The following SAXO1 variants were observed in gnomAD, a reference collection of about 807,000 sequenced individuals.
The protein encoded by SAXO1 is 4930500O09Rik.
Under a neutral mutation model 17.5 loss-of-function variants are expected in SAXO1, and 21 were observed. The observed-to-expected ratio is 1.20, with a 90% CI of 0.85 to 1.72. SAXO1 has a LOEUF of 1.72. Among genes scored for constraint, SAXO1 ranks in the 40% most tolerant of loss-of-function variants. The pLI is 0.00. For synonymous variants in SAXO1, 274 were observed against 216.5 expected, an observed-to-expected ratio of 1.27 and a Z score of -2.33; for missense variants, 843 against 596.0, an observed-to-expected ratio of 1.41 and a Z score of -4.32.
chr9:19,032,083 G>T (rs1835798748), intron 1 of SAXO1, among the ~76,000 whole-genome samples: 1 of 152,132 alleles, frequency 6.6e-6, no homozygotes, highest in Non-Finnish European at 1.5e-5. Context: ...CTGGAGTTTA[G>T]TTACCAATCT....
Position 18,960,905 on chromosome 9 carries a change from A to T in SAXO1, c.39-9968T>A, listed in dbSNP as rs149315992. On this transcript the variant is annotated intron_variant, in intron 1 of 3. Coordinates refer to ENST00000380534, the MANE Select transcript of SAXO1 (RefSeq NM_153707.4). ...AAAGTCAGATAAGGGGTTCCCATTGAGAGTGAGAGAAGAGAGTGAGGGTGA... is the reference window on the plus strand; with the variant it reads ...AAAGTCAGATAAGGGGTTCCCATTGTGAGTGAGAGAAGAGAGTGAGGGTGA... Among the ~76,000 whole-genome samples the T allele has an allele frequency of 3.4e-3, 521 of 152,310 alleles. 4 individuals carry two copies. Among genetic ancestry groups the T allele is most frequent in the African/African-American group, 0.012 (497 of 41,564 alleles).
chr9:19,045,283 G>A (rs1836182395), intron 1 of SAXO1, among the ~76,000 whole-genome samples: 1 of 126,420 alleles, frequency 7.9e-6, no homozygotes, highest in Admixed American at 1.0e-4. Flanking sequence ...GCAGTCCGCA[G>A]TCCGGCCTGG....
At chr9:19,001,350 T>C (rs1834255957) in intron 1 of SAXO1, among the ~76,000 whole-genome samples, 1 of 152,084 alleles carries the variant, frequency 6.6e-6, no homozygotes, top group Non-Finnish European at 1.5e-5. Context: ...ACTGGGTACA[T>C]AACGAAATGA....
intron 1 of SAXO1, among the ~76,000 whole-genome samples, chr9:19,013,911 T>C (rs62560434): frequency 0.066 from 9,967 of 152,146 alleles, 384 homozygotes; most frequent in African/African-American, 0.092. Context: ...AGAAAAAATA[T>C]TTAGCAGGCA....
At chr9:18,987,610 T>C (rs972260647) in intron 1 of SAXO1, among the ~76,000 whole-genome samples, 1 of 152,150 alleles carries the variant, frequency 6.6e-6, no homozygotes, top group Non-Finnish European at 1.5e-5. Context: ...CTCGATTCTC[T>C]TCCTTGGGCC....
intron 1 of SAXO1, among the ~76,000 whole-genome samples, chr9:18,953,626 C>G (rs991429100): frequency 6.6e-6 from 1 of 152,126 alleles, no homozygotes; most frequent in East Asian, 1.9e-4. Context: ...CTACCTGCAC[C>G]ATGAATGCCC....
intron 1 of SAXO1, among the ~76,000 whole-genome samples, chr9:18,969,254 T>A (rs1742729812): frequency 6.6e-6 from 1 of 152,176 alleles, no homozygotes; most frequent in African/African-American, 2.4e-5. Context: ...AAGCTTCCCT[T>A]CTCACACTCT....
intron 1 of SAXO1, among the ~76,000 whole-genome samples, chr9:18,998,826 T>C (rs1834123490): frequency 1.3e-5 from 2 of 152,198 alleles, no homozygotes; most frequent in African/African-American, 4.8e-5. Flanking sequence ...AAAGACATGT[T>C]CAACCTGCAA....
At chr9:18,988,467 TTA>T (rs1833679966) in intron 1 of SAXO1, among the ~76,000 whole-genome samples, 1 of 152,204 alleles carries the variant, frequency 6.6e-6, no homozygotes, top group Non-Finnish European at 1.5e-5. Context: ...AGGAATGTCT[TTA>T]TGTGTATGTA....
At chr9:18,964,661 T>C (rs2131771215) in intron 1 of SAXO1, among the ~76,000 whole-genome samples, 1 of 152,358 alleles carries the variant, frequency 6.6e-6, no homozygotes, top group East Asian at 1.9e-4. Flanking sequence ...TTCTTCTTTA[T>C]TAGTCTGGCT....
At chr9:19,047,581 G>C (rs1409627061) in intron 1 of SAXO1, among the ~76,000 whole-genome samples, 1 of 152,048 alleles carries the variant, frequency 6.6e-6, no homozygotes, top group Non-Finnish European at 1.5e-5. Context: ...TTAAGTTTCA[G>C]AACACTAGAA....
chr9:18,986,822 A>G (rs531528416), intron 1 of SAXO1, among the ~76,000 whole-genome samples: 5 of 152,240 alleles, frequency 3.3e-5, no homozygotes, highest in Non-Finnish European at 4.4e-5. Context: ...TAGGTTGTAT[A>G]TTCATTTTGA....
chr9:19,043,559 G>A (rs930265675), intron 1 of SAXO1, among the ~76,000 whole-genome samples: 3 of 152,064 alleles, frequency 2.0e-5, no homozygotes, highest in Non-Finnish European at 4.4e-5. Context: ...TTGAGCCCGG[G>A]AATTCAAGAG....
intron 1 of SAXO1, among the ~76,000 whole-genome samples, chr9:18,985,469 C>T (rs1833554265): frequency 6.6e-6 from 1 of 152,164 alleles, no homozygotes; most frequent in Non-Finnish European, 1.5e-5. Flanking sequence ...TATGCCTATG[C>T]ACACAGTGTA....
At chr9:18,989,334 G>T (rs1332880382) in intron 1 of SAXO1, among the ~76,000 whole-genome samples, 5 of 152,096 alleles carry the variant, frequency 3.3e-5, no homozygotes, top group African/African-American at 1.2e-4. Flanking sequence ...TCAAACTGAA[G>T]TCCTGTTTTA....
chr9:18,951,750 G>C (rs1832048214), intron 1 of SAXO1, among the ~76,000 whole-genome samples: 1 of 152,172 alleles, frequency 6.6e-6, no homozygotes, highest in Admixed American at 6.5e-5. Flanking sequence ...CATCTGTCAA[G>C]CTCAGGGCCT....
intron 1 of SAXO1, among the ~76,000 whole-genome samples, chr9:19,024,416 G>A (rs1588552956): frequency 1.3e-5 from 2 of 151,922 alleles, no homozygotes; most frequent in South Asian, 4.2e-4. Flanking sequence ...CACAGGAAGG[G>A]GAACATCACA....
At chr9:19,032,844 G>A in intron 1 of SAXO1, 27 bp downstream of exon 1, 1 of 1,608,186 alleles carries the variant, frequency 6.2e-7, no homozygotes, top group South Asian at 1.1e-5. Context: ...GGCTCCCCCA[G>A]CCTTGCCCTG....
chr9:18,941,285 AC>A (rs1831544115), intron 3 of SAXO1, among the ~76,000 whole-genome samples: 1 of 143,324 alleles, frequency 7.0e-6, no homozygotes. Flanking sequence ...GTCTCTGTCA[AC>A]AACTACTCAA....
Sources: gnomAD v4.1 joint callset for allele counts (sites outside exome capture counted in the v4.1 genomes callset) on GRCh38, gnomAD v4.1.1 for gene constraint, MANE v1.5 for transcripts, NCBI Gene and HGNC (gene_info 2026-07-23, HGNC 2026-07-21) for gene names.